NOL4: variants seen among roughly 807,000 people sequenced by gnomAD.
NOL4 encodes cancer/testis antigen 125.
A neutral mutation model predicts 75.9 loss-of-function variants in NOL4; 17 were observed. The observed-to-expected ratio is 0.22, with a 90% CI of 0.15 to 0.34. NOL4 has a LOEUF of 0.34. Ranked by LOEUF, NOL4 falls within the 10% of genes least tolerant of loss-of-function variation. NOL4 has a pLI of 1.00. For synonymous variants in NOL4, 292 were observed against 289.9 expected, an observed-to-expected ratio of 1.01 and a Z score of -0.07; for missense variants, 614 against 793.5, an observed-to-expected ratio of 0.77 and a Z score of 2.72.
rs180680145 is a variant in NOL4, at chr18:33,891,180, T to C, written c.1543-7756A>G. On this transcript the variant is annotated intron_variant, in intron 9 of 10. Transcript: ENST00000261592. ...AGATTAAGAGATGAACCTGTGATGC[T>C]CACATGGATTAATTTTTCTCATGCA... Among the ~76,000 whole-genome samples the C allele has an allele frequency of 1.9e-3, 288 of 152,172 alleles. 3 individuals carry two copies. The highest frequency in any genetic ancestry group is 0.015 in the Admixed American group (231 of 15,232).
rs185144924 is a variant in NOL4 at position 33,862,643 on chromosome 18, T to C, written c.1724-9608A>G. 2.5e-3 allele frequency among the ~76,000 whole-genome samples: 373 copies of C among 152,244 alleles called. 1 individual carries two copies. The highest frequency in any genetic ancestry group is 4.0e-3 in the Non-Finnish European group (270 of 68,000). The stretch of plus-strand genomic sequence containing the variant: ...ACAGAAACTTCTCAAAAGAAGACAT[T>C]TATGCAGCCAAAAAACACATGAAAA... On this transcript the variant is annotated intron_variant, in intron 10 of 10. Transcript: ENST00000261592.
chr18:34,080,875 T>C (rs1329721836), intron 5 of NOL4, among the ~76,000 whole-genome samples: 1 of 152,210 alleles, frequency 6.6e-6, no homozygotes, highest in Non-Finnish European at 1.5e-5. Context: ...CTAATTTGAT[T>C]GTTAAACTAC....
At chr18:33,931,392 G>T (rs982254155) in intron 9 of NOL4, among the ~76,000 whole-genome samples, 18 of 152,110 alleles carry the variant, frequency 1.2e-4, no homozygotes, top group Admixed American at 7.2e-4. Context: ...ACATTTTCCA[G>T]GCAGTCTCAT....
Position 33,873,506 on chromosome 18 carries a change from G to A in NOL4, c.1723+9738C>T, listed in dbSNP as rs184330833. ...GTATTTCAAGATATTTCTCTAAAAC[G>A]TTTGATATGAAACATTTCCCTTCTT... On this transcript the variant is annotated intron_variant, in intron 10 of 10. Coordinates refer to ENST00000261592, the MANE Select transcript of NOL4 (RefSeq NM_003787.5). 3.3e-5 allele frequency among the ~76,000 whole-genome samples: 5 copies of A among 152,054 alleles called. No individual in the cohort carries two copies. The East Asian group carries it at 5.8e-4, about 18-fold the overall frequency.
chr18:33,898,991 G>A (rs967792205), intron 9 of NOL4, among the ~76,000 whole-genome samples: 1 of 152,032 alleles, frequency 6.6e-6, no homozygotes, highest in Non-Finnish European at 1.5e-5. Flanking sequence ...ACTCCACTGG[G>A]GTGCTATCTT....
intron 5 of NOL4, among the ~76,000 whole-genome samples, chr18:34,081,959 C>A (rs115771142): frequency 1.3e-5 from 2 of 152,010 alleles, no homozygotes; most frequent in Non-Finnish European, 2.9e-5. Context: ...TCAATGGCTA[C>A]AAATAATATT....
At chr18:34,117,965 C>T (rs1028076316) in intron 2 of NOL4, among the ~76,000 whole-genome samples, 6 of 152,236 alleles carry the variant, frequency 3.9e-5, no homozygotes, top group Admixed American at 6.5e-5. Context: ...CAAAATTATA[C>T]AATTTTAACC....
chr18:33,914,094 TAAATAGC>T (rs1267656762), intron 9 of NOL4, among the ~76,000 whole-genome samples: 1 of 151,924 alleles, frequency 6.6e-6, no homozygotes, highest in Admixed American at 6.6e-5. Flanking sequence ...TATAGGACAG[TAAATAGC>T]ACCAAAAAGA....
At chr18:34,144,085 T>C (rs1004264765) in intron 1 of NOL4, among the ~76,000 whole-genome samples, 1 of 152,108 alleles carries the variant, frequency 6.6e-6, no homozygotes, top group African/African-American at 2.4e-5. Context: ...ACCATAATGA[T>C]ACTATAAACC....
intron 1 of NOL4, among the ~76,000 whole-genome samples, chr18:34,197,034 T>G (rs1462211211): frequency 6.6e-6 from 1 of 151,980 alleles, no homozygotes; most frequent in Non-Finnish European, 1.5e-5. Context: ...AATATAATGA[T>G]GAATTTATGA....
chr18:33,958,100 A>G (rs1390247056), intron 7 of NOL4, 139 bp downstream of exon 7: 1 of 806,460 alleles, frequency 1.2e-6, no homozygotes, highest in Non-Finnish European at 1.9e-6. Flanking sequence ...CTGGTTGGCA[A>G]AGAGTGTTTC....
intron 9 of NOL4, among the ~76,000 whole-genome samples, chr18:33,922,273 T>C (rs186022670): frequency 6.6e-6 from 1 of 152,340 alleles, no homozygotes. Flanking sequence ...AAGAGATTCA[T>C]ATGTGTTAAA....
intron 1 of NOL4, among the ~76,000 whole-genome samples, chr18:34,211,088 G>T (rs1282515710): frequency 1.4e-5 from 2 of 143,950 alleles, no homozygotes; most frequent in African/African-American, 5.0e-5. Flanking sequence ...ATAAAAGAAA[G>T]GAGGGAAGGA....
intron 2 of NOL4, among the ~76,000 whole-genome samples, chr18:34,109,269 G>C (rs1246723067): frequency 6.6e-6 from 1 of 151,888 alleles, no homozygotes. Flanking sequence ...CCAGCTACTT[G>C]GGTAGCTGAA....
In NOL4 at chr18:33,944,797, T is replaced by C. The variant is rs140276847; in HGVS notation, c.1429-1619A>G. ...ATAAATTGCCATAAAGATGTAAGCA[T>C]AATTTCAAAACTCATATTGCTTCTT... On this transcript the variant is annotated intron_variant, in intron 8 of 10. Transcript: ENST00000261592. 5.9e-5 allele frequency among the ~76,000 whole-genome samples: 9 copies of C among 152,024 alleles called. No homozygotes were observed. The East Asian group carries it at 1.5e-3, about 26-fold the overall frequency.
intron 1 of NOL4, among the ~76,000 whole-genome samples, chr18:34,208,018 A>C (rs2036242161): frequency 6.6e-6 from 1 of 152,182 alleles, no homozygotes; most frequent in Admixed American, 6.5e-5. Flanking sequence ...AAGGAACCCT[A>C]TTCCTGGTCC....
intron 6 of NOL4, among the ~76,000 whole-genome samples, chr18:33,972,309 A>G (rs2145886755): frequency 6.6e-6 from 1 of 152,294 alleles, no homozygotes; most frequent in Non-Finnish European, 1.5e-5. Context: ...TTAAAAAATG[A>G]GCAAAGTATT....
chr18:33,921,659 C>G (rs2067045742), intron 9 of NOL4, among the ~76,000 whole-genome samples: 1 of 152,112 alleles, frequency 6.6e-6, no homozygotes, highest in African/African-American at 2.4e-5. Context: ...GAAGGATCCT[C>G]CCCTAGAGGT....
chr18:34,200,902 C>T (rs919258342), intron 1 of NOL4, among the ~76,000 whole-genome samples: 1 of 151,524 alleles, frequency 6.6e-6, no homozygotes, highest in Admixed American at 6.6e-5. Flanking sequence ...TAAGACAGTT[C>T]CTTAGAGTGG....
Sources: allele counts gnomAD v4.1 joint callset (sites outside exome capture counted in the v4.1 genomes callset), GRCh38; gene constraint gnomAD v4.1.1; transcripts MANE v1.5; gene names NCBI Gene and HGNC (gene_info 2026-07-23, HGNC 2026-07-21).